Variants in WASHC4 observed in about 807,000 individuals in gnomAD.
WASHC4 encodes the protein WASH complex subunit 4.
In WASHC4, 86 loss-of-function variants were observed where a neutral mutation model predicts 166.6. The ratio of observed to expected loss-of-function variants is 0.52; its 90% CI spans 0.43 to 0.62. The LOEUF (loss-of-function observed/expected upper bound fraction) is 0.62. Ranked by LOEUF, WASHC4 falls within the 20% of genes least tolerant of loss-of-function variation. The pLI is 0.00. For synonymous variants in WASHC4, 446 were observed against 451.6 expected (o/e 0.99, Z 0.16); for missense variants, 1,262 against 1,382.4 (o/e 0.91, Z 1.38).
At position 105,147,128 on chromosome 12, in the gene WASHC4, G is replaced by A. The variant is rs749947229; in HGVS notation, c.2496G>A (p.Thr832=). 17 of 1,601,296 alleles carry A rather than the reference G, an allele frequency of 1.1e-5. No homozygotes were observed. The highest frequency in any genetic ancestry group is 9.9e-5 in the South Asian group (9 of 90,856). Residue 832 remains threonine, a synonymous_variant, in exon 24 of 33, where the codon ACG becomes ACA. Coordinates refer to ENST00000332180, the MANE Select transcript of WASHC4 (RefSeq NM_015275.3). ...HIANSIRTHG[T]GIMNTTVNFT... ...CTAATTCAATTCGAACACATGGCAC[G>A]GGAATTATGAATACAACTGTAAGAA...
chr12:105,142,007 G>T (rs540435106), intron 18 of WASHC4, among the ~76,000 whole-genome samples: 3 of 82,280 alleles, frequency 3.6e-5, no homozygotes, highest in Non-Finnish European at 7.2e-5. Flanking sequence ...TTTGGGGCGG[G>T]GGGGGTCACA....
At position 105,122,342 on chromosome 12, in the gene WASHC4, C is replaced by T. The variant is rs1267861163; in HGVS notation, c.786+104C>T. The T allele has an allele frequency of 2.8e-5, 35 of 1,242,832 alleles. 1 individual carries two copies. In the Middle Eastern group the frequency reaches 2.1e-3, roughly 74 times the overall value. 77.0% of individuals were successfully genotyped at this position (1,242,832 alleles called of 1,614,324 possible). On this transcript the variant is annotated intron_variant, in intron 10 of 32. Coordinates refer to ENST00000332180, the MANE Select transcript of WASHC4 (RefSeq NM_015275.3). ...ATAATATACTGTTGAATATAATTTT[C>T]TTTAAAAAGTGCTTTGGCTTAAAAT...
chr12:105,110,864 A>G (rs974959002), intron 1 of WASHC4, among the ~76,000 whole-genome samples: 1 of 152,146 alleles, frequency 6.6e-6, no homozygotes, highest in Non-Finnish European at 1.5e-5. Context: ...TAGATGGGCT[A>G]GTGGCTTTTT....
At chr12:105,130,238 T>C (rs1318679473) in intron 13 of WASHC4, among the ~76,000 whole-genome samples, 1 of 152,220 alleles carries the variant, frequency 6.6e-6, no homozygotes, top group Non-Finnish European at 1.5e-5. Context: ...CACAGCTAAG[T>C]ACATGTCAGA....
intron 11 of WASHC4, 23 bp downstream of exon 11, chr12:105,126,150 G>GT: frequency 6.2e-7 from 1 of 1,612,672 alleles, no homozygotes; most frequent in Non-Finnish European, 8.5e-7. Context: ...GCATTTTTTG[G>GT]TTTTTGTTTA....
In WASHC4 at chr12:105,141,257, C is replaced by T. The variant is rs1309666206; in HGVS notation, c.1787+11C>T. The T allele has an allele frequency of 1.3e-6, 2 of 1,527,936 alleles. No homozygotes were observed. Among genetic ancestry groups the T allele is most frequent in the African/African-American group, 2.7e-5 (2 of 73,136 alleles). The allele number at this position is 1,527,936 out of a possible 1,614,324, so 94.6% of individuals were successfully genotyped here. ...TGAACTTAGAGAACGGTAAGTAGGA[C>T]TGGGATATGCTGTGGTACTCCAAAG... On this transcript the variant is annotated intron_variant, in intron 18 of 32. Coordinates refer to ENST00000332180, the MANE Select transcript of WASHC4 (RefSeq NM_015275.3).
chr12:105,154,477 T>A (rs1445123919), intron 26 of WASHC4, among the ~76,000 whole-genome samples: 8 of 152,224 alleles, frequency 5.3e-5, no homozygotes, highest in Non-Finnish European at 1.2e-4. Flanking sequence ...TAATTAACAT[T>A]TATTGAGCAT....
At chr12:105,166,613 A>G (rs981900306) in intron 32 of WASHC4, among the ~76,000 whole-genome samples, 1 of 152,146 alleles carries the variant, frequency 6.6e-6, no homozygotes, top group Non-Finnish European at 1.5e-5. Context: ...CCCCACCCCA[A>G]TACAGGTTCT....
At chr12:105,164,549 TA>T in intron 31 of WASHC4, 91 bp from the exon 32 acceptor site, 1 of 755,716 alleles carries the variant, frequency 1.3e-6, no homozygotes. Context: ...CTTTTAAAAA[TA>T]ATAATAAGAG....
chr12:105,158,894 A>G (rs1389880882), intron 28 of WASHC4, among the ~76,000 whole-genome samples: 1 of 152,224 alleles, frequency 6.6e-6, no homozygotes, highest in Non-Finnish European at 1.5e-5. Flanking sequence ...TGAAGGGTAT[A>G]CGGGTGTTCA....
At chr12:105,166,230 A>G (rs982463164) in intron 32 of WASHC4, among the ~76,000 whole-genome samples, 1 of 152,160 alleles carries the variant, frequency 6.6e-6, no homozygotes, top group African/African-American at 2.4e-5. Flanking sequence ...GCTCAGAGAT[A>G]TAGTCAGTTT....
At chr12:105,156,691 A>T in intron 26 of WASHC4, 35 bp from the exon 27 acceptor site, 1 of 1,504,714 alleles carries the variant, frequency 6.6e-7, no homozygotes, top group Non-Finnish European at 9.2e-7. Context: ...AGAGTTATTT[A>T]TATAAATATC....
intron 15 of WASHC4, among the ~76,000 whole-genome samples, chr12:105,138,360 T>TAAA (rs200705849): frequency 6.9e-6 from 1 of 145,330 alleles, no homozygotes; most frequent in African/African-American, 2.5e-5. Context: ...TTGCATGAGT[T>TAAA]AAAAAAAAAA....
In WASHC4 at chr12:105,111,277, T is replaced by G; in HGVS notation, c.201+13T>G. 6.4e-7 allele frequency: 1 copy of G among 1,561,038 alleles called. No individual in the cohort carries two copies. On this transcript the variant is annotated intron_variant, in intron 2 of 32. Coordinates refer to ENST00000332180, the MANE Select transcript of WASHC4 (RefSeq NM_015275.3). Reference sequence around the variant, plus strand: ...TATAGCATTAAAGGTTTGATTTGATTTTTTAAAAATATATGTATATATTTT... The same window carrying G: ...TATAGCATTAAAGGTTTGATTTGATGTTTTAAAAATATATGTATATATTTT...
intron 11 of WASHC4, 22 bp from the exon 12 acceptor site, chr12:105,126,213 T>C (rs760589359): frequency 1.9e-6 from 3 of 1,612,620 alleles, no homozygotes; most frequent in South Asian, 1.1e-5. Context: ...TTCTGCTTTC[T>C]CTTATGTTAT....
At chr12:105,130,520 A>C (rs1290941717) in intron 13 of WASHC4, among the ~76,000 whole-genome samples, 1 of 152,228 alleles carries the variant, frequency 6.6e-6, no homozygotes, top group Non-Finnish European at 1.5e-5. Flanking sequence ...GTCTCTTAGC[A>C]GTTATGTCAA....
chr12:105,151,531 G>C (rs557638688), intron 25 of WASHC4, among the ~76,000 whole-genome samples: 2 of 151,936 alleles, frequency 1.3e-5, no homozygotes, highest in African/African-American at 4.8e-5. Flanking sequence ...TCCCAGGCTG[G>C]AGTGCAGTGG....
intron 14 of WASHC4, among the ~76,000 whole-genome samples, chr12:105,134,875 G>A (rs1263993403): frequency 6.6e-6 from 1 of 151,356 alleles, no homozygotes; most frequent in Non-Finnish European, 1.5e-5. Context: ...TGTCTCACTT[G>A]TTCTGTGTCC....
chr12:105,135,549 C>T (rs1391100684), intron 14 of WASHC4, among the ~76,000 whole-genome samples: 2 of 151,848 alleles, frequency 1.3e-5, no homozygotes, highest in Non-Finnish European at 2.9e-5. Context: ...TACAATGCCC[C>T]TAGGTGTGGT....
Sources: gnomAD v4.1 joint callset for allele counts (sites outside exome capture counted in the v4.1 genomes callset) on GRCh38, gnomAD v4.1.1 for gene constraint, MANE v1.5 for transcripts, NCBI Gene and HGNC (gene_info 2026-07-23, HGNC 2026-07-21) for gene names.